PRELID2: variants seen among roughly 807,000 people sequenced by gnomAD.
PRELID2 encodes PRELI domain-containing protein 2.
PRELID2 carries 25 observed loss-of-function variants against 28.4 expected under a neutral mutation model. That is an observed-to-expected ratio of 0.88 (90% CI 0.64 to 1.23). The LOEUF (loss-of-function observed/expected upper bound fraction) is 1.23. PRELID2 is among the 50% of genes most tolerant of loss of function. PRELID2 has a pLI of 0.00. For missense variants in PRELID2, 201 were observed against 214.4 expected, an observed-to-expected ratio of 0.94 and a Z score of 0.39; for synonymous variants, 76 against 71.6, an observed-to-expected ratio of 1.06 and a Z score of -0.31.
the PRELID2 span, among the ~76,000 whole-genome samples, chr5:145,257,042 A>C: frequency 6.6e-6 from 1 of 151,926 alleles, no homozygotes; most frequent in Non-Finnish European, 1.5e-5. Context: ...ATGCAGAAAG[A>C]AAGAAAAAAA....
the PRELID2 span, among the ~76,000 whole-genome samples, chr5:145,383,371 T>C: frequency 3.3e-5 from 5 of 150,564 alleles, no homozygotes; most frequent in South Asian, 4.2e-4. Flanking sequence ...TATATATATA[T>C]ACACACACAC....
chr5:145,465,294 A>T, the PRELID2 span, among the ~76,000 whole-genome samples: 1 of 152,306 alleles, frequency 6.6e-6, no homozygotes, highest in African/African-American at 2.4e-5. Flanking sequence ...TCCAGACTAG[A>T]GACAAATTTT....
At chr5:145,463,214 T>C in the PRELID2 span, among the ~76,000 whole-genome samples, 1 of 152,070 alleles carries the variant, frequency 6.6e-6, no homozygotes, top group African/African-American at 2.4e-5. Flanking sequence ...TGACCTGCTA[T>C]AGAAAATCCT....
At chr5:145,561,184 G>T (rs1294610009) in intron 1 of PRELID2, among the ~76,000 whole-genome samples, 1 of 152,160 alleles carries the variant, frequency 6.6e-6, no homozygotes, top group Non-Finnish European at 1.5e-5. Flanking sequence ...TCTGTACCAT[G>T]ACTTCTACTT....
intron 1 of PRELID2, among the ~76,000 whole-genome samples, chr5:145,732,488 G>A (rs774415905): frequency 6.6e-6 from 1 of 152,200 alleles, no homozygotes; most frequent in Admixed American, 6.5e-5. Context: ...CACTAGACAC[G>A]TACAACTACT....
chr5:145,481,907 G>A (rs992163669), intron 1 of PRELID2, among the ~76,000 whole-genome samples: 7 of 152,130 alleles, frequency 4.6e-5, no homozygotes, highest in African/African-American at 1.7e-4. Flanking sequence ...TAATGAATTT[G>A]TTACAGTTGG....
At chr5:145,258,452 G>A in the PRELID2 span, among the ~76,000 whole-genome samples, 1 of 152,166 alleles carries the variant, frequency 6.6e-6, no homozygotes. Context: ...ACACGGAAAT[G>A]AGAAACTTAT....
chr5:145,345,346 A>G, the PRELID2 span, among the ~76,000 whole-genome samples: 1 of 151,890 alleles, frequency 6.6e-6, no homozygotes, highest in African/African-American at 2.4e-5. Context: ...CTGATTGATG[A>G]CCACAGACTC....
At chr5:145,721,209 C>T (rs778252655) in intron 1 of PRELID2, among the ~76,000 whole-genome samples, 13 of 152,072 alleles carry the variant, frequency 8.5e-5, no homozygotes, top group Admixed American at 6.6e-5. Flanking sequence ...AAAACTTTCA[C>T]ACGCATTCAT....
chr5:145,627,049 G>A (rs1286129349), intron 1 of PRELID2, among the ~76,000 whole-genome samples: 1 of 128,642 alleles, frequency 7.8e-6, no homozygotes, highest in Non-Finnish European at 1.6e-5. Flanking sequence ...GCAATAAGCT[G>A]AGATTCTGCC....
rs141791368 is a variant in PRELID2 at position 145,806,435 on chromosome 5, C to T, written c.369-9888G>A. Among the ~76,000 whole-genome samples the T allele has an allele frequency of 2.0e-5, 3 of 152,278 alleles. No homozygotes were observed. The East Asian group carries it at 5.8e-4, about 29-fold the overall frequency. On this transcript the variant is annotated intron_variant, in intron 4 of 6. Transcript: ENST00000683046. ...ATATCTTATCCCACTGGAAAGTCTT[C>T]AGGGGCAATAACACACATGAAGCTG...
the PRELID2 span, among the ~76,000 whole-genome samples, chr5:145,278,964 C>T: frequency 6.6e-6 from 1 of 152,186 alleles, no homozygotes; most frequent in African/African-American, 2.4e-5. Flanking sequence ...CTCTCTGACC[C>T]CGAACAAAAA....
chr5:145,469,623 G>C (rs1752033556), downstream of PRELID2, among the ~76,000 whole-genome samples: 1 of 152,078 alleles, frequency 6.6e-6, no homozygotes, highest in East Asian at 1.9e-4. Context: ...ACACCGAACT[G>C]ATAGATGGAA....
At chr5:145,394,939 T>C in the PRELID2 span, among the ~76,000 whole-genome samples, 1 of 152,150 alleles carries the variant, frequency 6.6e-6, no homozygotes, top group Non-Finnish European at 1.5e-5. Context: ...GTCTTTGCCA[T>C]CATCATCATG....
intron 1 of PRELID2, among the ~76,000 whole-genome samples, chr5:145,516,179 T>C (rs917113172): frequency 1.3e-5 from 2 of 152,138 alleles, no homozygotes; most frequent in Non-Finnish European, 2.9e-5. Flanking sequence ...GTTATTCAAA[T>C]GGGAAGAGAG....
At chr5:145,250,718 T>C in the PRELID2 span, among the ~76,000 whole-genome samples, 1 of 152,106 alleles carries the variant, frequency 6.6e-6, no homozygotes, top group Non-Finnish European at 1.5e-5. Flanking sequence ...CATTGGGATA[T>C]TTTCCATGAA....
chr5:145,452,820 G>A, the PRELID2 span, among the ~76,000 whole-genome samples: 1 of 152,020 alleles, frequency 6.6e-6, no homozygotes, highest in African/African-American at 2.4e-5. Context: ...AAGAGAGAAA[G>A]GGAAATTATC....
At chr5:145,546,574 T>C (rs533062209) in intron 1 of PRELID2, among the ~76,000 whole-genome samples, 1 of 152,124 alleles carries the variant, frequency 6.6e-6, no homozygotes, top group Admixed American at 6.6e-5. Flanking sequence ...TGTATGAACA[T>C]ACCAGAGACT....
the PRELID2 span, among the ~76,000 whole-genome samples, chr5:145,263,360 T>C: frequency 0.055 from 8,358 of 152,092 alleles, 416 homozygotes; most frequent in African/African-American, 0.13. Flanking sequence ...CAGAACATTC[T>C]ACCCAATAAC....
Sources: allele counts gnomAD v4.1 joint callset (sites outside exome capture counted in the v4.1 genomes callset), GRCh38; gene constraint gnomAD v4.1.1; transcripts MANE v1.5; gene names NCBI Gene and HGNC (gene_info 2026-07-23, HGNC 2026-07-21).